The following SENP5 variants were observed in gnomAD, a reference collection of about 807,000 sequenced individuals.
SENP5 encodes the protein SUMO specific peptidase 5, also known as sentrin-specific protease 5.
Under a neutral mutation model 74.2 loss-of-function variants are expected in SENP5, and 21 were observed. That is an observed-to-expected ratio of 0.28 (90% confidence interval 0.20 to 0.41). SENP5 has a LOEUF of 0.41. Ranked by LOEUF, SENP5 falls within the 10% of genes least tolerant of loss-of-function variation. The pLI is 1.00. For missense variants in SENP5, 717 were observed against 889.1 expected (o/e 0.81, Z 2.46); for synonymous variants, 311 against 312.7 (o/e 0.99, Z 0.06).
chr3:196,900,474 T>C, intron 5 of SENP5, 62 bp downstream of exon 5: 1 of 1,399,302 alleles, frequency 7.1e-7, no homozygotes, highest in Non-Finnish European at 9.8e-7. Flanking sequence ...TGAGTAGTTT[T>C]TTTGTTTTTA....
chr3:196,883,308 A>C (rs1713808683), intron 1 of SENP5, among the ~76,000 whole-genome samples: 1 of 152,012 alleles, frequency 6.6e-6, no homozygotes, highest in East Asian at 1.9e-4. Flanking sequence ...AAATATCACT[A>C]TCTGTTGGTT....
intron 6 of SENP5, chr3:196,905,348 C>T (rs1257807660): frequency 6.6e-6 from 1 of 152,208 alleles, no homozygotes; most frequent in African/African-American, 2.4e-5. Flanking sequence ...GGCTGGATGC[C>T]CTCTAATTCA....
chr3:196,913,244 A>G (rs770347181), intron 6 of SENP5: 2 of 152,188 alleles, frequency 1.3e-5, no homozygotes, highest in Non-Finnish European at 2.9e-5. Flanking sequence ...ATTTATTGCT[A>G]TGGTTCAGGA....
intron 6 of SENP5, among the ~76,000 whole-genome samples, chr3:196,906,428 C>T (rs929237551): frequency 2.0e-5 from 3 of 152,066 alleles, no homozygotes; most frequent in Admixed American, 6.6e-5. Context: ...GCACCTACCA[C>T]AGTTTGTATT....
intron 6 of SENP5, chr3:196,913,404 C>G (rs958548686): frequency 2.6e-5 from 4 of 151,520 alleles, no homozygotes; most frequent in Admixed American, 6.6e-5. Context: ...CTCTTTTCTA[C>G]TAAAAATCCA....
chr3:196,880,854 T>A (rs573320703), intron 1 of SENP5, among the ~76,000 whole-genome samples: 1 of 152,210 alleles, frequency 6.6e-6, no homozygotes, highest in Non-Finnish European at 1.5e-5. Context: ...TTGGCCAGAC[T>A]GGTCTCGAAC....
chr3:196,931,469 A>C lies in SENP5; in HGVS notation c.*546A>C, dbSNP rs1263855674. 1 of 182,914 alleles carries C rather than the reference A, an allele frequency of 5.5e-6. No homozygotes were observed. The highest frequency in any genetic ancestry group is 6.0e-5 in the Admixed American group (1 of 16,612). The allele number at this position is 182,914 out of a possible 1,614,324, so 11.3% of individuals were successfully genotyped here. A position where few individuals can be genotyped will look rare whatever the true frequency, so the allele number is the denominator to read the frequency against. On this transcript the variant is annotated 3_prime_UTR_variant, in exon 10 of 10. Coordinates refer to ENST00000323460, the MANE Select transcript of SENP5 (RefSeq NM_152699.5). Reference sequence around the variant, plus strand: ...AAGTGAGTCTTAGAGAGTGCAGTCCATTCCTTTTGAAGGGTGAGATGGAAG... The same window carrying C: ...AAGTGAGTCTTAGAGAGTGCAGTCCCTTCCTTTTGAAGGGTGAGATGGAAG...
intron 1 of SENP5, 104 bp from the exon 2 acceptor site, chr3:196,885,047 A>G (rs1703128354): frequency 1.5e-6 from 1 of 657,302 alleles, no homozygotes; most frequent in East Asian, 2.7e-5. Context: ...AAATTGAAGT[A>G]TATGTACTCT....
At chr3:196,920,061 A>G (rs1715546326) in intron 6 of SENP5, among the ~76,000 whole-genome samples, 1 of 152,060 alleles carries the variant, frequency 6.6e-6, no homozygotes, top group Admixed American at 6.6e-5. Flanking sequence ...AGTCCTTTGC[A>G]TTTTCATATA....
intron 6 of SENP5, among the ~76,000 whole-genome samples, chr3:196,904,084 A>C (rs1279840058): frequency 6.6e-6 from 1 of 152,236 alleles, no homozygotes; most frequent in Non-Finnish European, 1.5e-5. Flanking sequence ...ATAAAATCTT[A>C]TACATACATG....
At chr3:196,872,974 A>G (rs1327761540) in intron 1 of SENP5, among the ~76,000 whole-genome samples, 1 of 151,764 alleles carries the variant, frequency 6.6e-6, no homozygotes, top group Non-Finnish European at 1.5e-5. Flanking sequence ...TTTTAGCGTC[A>G]TATTCATATT....
intron 7 of SENP5, among the ~76,000 whole-genome samples, chr3:196,924,278 C>T (rs1715731373): frequency 6.6e-6 from 1 of 152,110 alleles, no homozygotes; most frequent in Non-Finnish European, 1.5e-5. Context: ...TAATTTAAAA[C>T]TTCTGTATAT....
At chr3:196,871,377 T>G (rs1713209902) in intron 1 of SENP5, among the ~76,000 whole-genome samples, 2 of 152,116 alleles carry the variant, frequency 1.3e-5, no homozygotes, top group African/African-American at 4.8e-5. Context: ...TGTGAAGGGT[T>G]AGTATGAACC....
chr3:196,899,317 T>A (rs934882927), intron 2 of SENP5, among the ~76,000 whole-genome samples: 1 of 152,154 alleles, frequency 6.6e-6, no homozygotes, highest in African/African-American at 2.4e-5. Context: ...TTTGACTATG[T>A]GATTAAGCCC....
Position 196,885,693 on chromosome 3 carries a change from A to G in SENP5, c.512A>G (p.Asn171Ser), listed in dbSNP as rs374919279. 2.5e-5 allele frequency: 41 copies of G among 1,614,216 alleles called. No homozygotes were observed. The African/African-American group carries it at 4.4e-4, about 17-fold the overall frequency. Residue 171 changes from asparagine to serine, a missense_variant, in exon 2 of 10, where the codon AAT (asparagine) becomes AGT (serine). Coordinates refer to ENST00000323460, the MANE Select transcript of SENP5 (RefSeq NM_152699.5). Reference sequence around the variant, plus strand: ...CCTTCTGACTTTCCCATGAAGTTCAATGGGGAGAGCCAAAGTCCAGGTGAG... The same window carrying G: ...CCTTCTGACTTTCCCATGAAGTTCAGTGGGGAGAGCCAAAGTCCAGGTGAG... ...PQPSDFPMKF[N>S]GESQSPGESG... is the part of the protein sequence containing the mutation.
At chr3:196,884,680 T>G (rs1713874328) in intron 1 of SENP5, among the ~76,000 whole-genome samples, 1 of 150,402 alleles carries the variant, frequency 6.6e-6, no homozygotes, top group Non-Finnish European at 1.5e-5. Flanking sequence ...TTTTGTTTTT[T>G]TTTTTTTTGA....
chr3:196,906,036 A>G (rs1714889166), intron 6 of SENP5, among the ~76,000 whole-genome samples: 1 of 152,150 alleles, frequency 6.6e-6, no homozygotes, highest in African/African-American at 2.4e-5. Context: ...CCTGGCCAAC[A>G]TGGTGGAACC....
Position 196,886,185 on chromosome 3 carries a change from G to T in SENP5, c.1004G>T (p.Gly335Val), listed in dbSNP as rs755250985. ...DCHTKGSSFL[G>V]KELSLDEAFP... Reference sequence around the variant, plus strand: ...CACACTAAAGGAAGCTCTTTCTTGGGCAAGGAGCTTAGTTTAGACGAAGCA... The same window carrying T: ...CACACTAAAGGAAGCTCTTTCTTGGTCAAGGAGCTTAGTTTAGACGAAGCA... The change falls in exon 2 of 10, where the codon GGC becomes GTC. Residue 335 changes from glycine (G) to valine (V), a missense_variant. Physicochemically the swap from Gly to Val is moderately radical, Grantham distance 109. This residue lies in a region of SENP5 where 567 missense variants were observed against 577.4 expected (regional missense o/e 0.98). Transcript: ENST00000323460. 3.8e-5 allele frequency: 62 copies of T among 1,614,084 alleles called. No homozygotes were observed. Among genetic ancestry groups the T allele is most frequent in the Non-Finnish European group, 5.1e-5 (60 of 1,180,044 alleles).
At chr3:196,874,579 CTTTCTTTA>C (rs1244217484) in intron 1 of SENP5, among the ~76,000 whole-genome samples, 1 of 151,998 alleles carries the variant, frequency 6.6e-6, no homozygotes, top group African/African-American at 2.4e-5. Context: ...TTTGCTTAGT[CTTTCTTTA>C]TTTCTTAAAT....
Sources: gnomAD v4.1 joint callset for allele counts (sites outside exome capture counted in the v4.1 genomes callset) on GRCh38, gnomAD v4.1.1 for gene constraint, gnomAD v4.1.1 regional missense constraint, MANE v1.5 for transcripts, NCBI Gene and HGNC (gene_info 2026-07-23, HGNC 2026-07-21) for gene names.